The following CCDC43 variants were observed in gnomAD, a reference collection of about 807,000 sequenced individuals.
CCDC43 encodes coiled-coil domain-containing protein 43.
CCDC43 carries 20 observed loss-of-function variants against 33.3 expected under a neutral mutation model. The observed-to-expected ratio is 0.60, with a 90% CI of 0.42 to 0.87. The LOEUF (loss-of-function observed/expected upper bound fraction) is 0.87. Ranked by LOEUF, CCDC43 falls within the 40% of genes least tolerant of loss-of-function variation. The pLI is 0.00. For missense variants in CCDC43, 248 were observed against 269.9 expected (o/e 0.92, Z 0.57); for synonymous variants, 104 against 106.5 (o/e 0.98, Z 0.14).
intron 1 of CCDC43, 108 bp from the exon 2 acceptor site, chr17:44,684,067 G>A: frequency 1.4e-6 from 1 of 718,760 alleles, no homozygotes; most frequent in Non-Finnish European, 2.5e-6. Flanking sequence ...GTGAAATTAT[G>A]GAAGGGTCTG....
Position 44,682,116 on chromosome 17 carries a change from G to C in CCDC43, c.315C>G (p.Thr105=). The part of the protein sequence containing the change: ...KKEDEVQAIA[T]LIEKQAQIVV... ...CGATTTGTGCCTGCTTCTCAATTAGGGTGGCAATGGCCTGTACTTCATCTG... is the reference window on the plus strand; with the variant it reads ...CGATTTGTGCCTGCTTCTCAATTAGCGTGGCAATGGCCTGTACTTCATCTG... The change falls in exon 3 of 5, where the codon ACC becomes ACG. Residue 105 remains threonine (T), a synonymous_variant. Coordinates refer to ENST00000315286, the MANE Select transcript of CCDC43 (RefSeq NM_144609.3). 1 of 1,613,924 alleles carries C rather than the reference G, an allele frequency of 6.2e-7. No individual in the cohort carries two copies. Among genetic ancestry groups the C allele is most frequent in the Non-Finnish European group, 8.5e-7 (1 of 1,179,882 alleles).
chr17:44,685,205 C>T (rs1972216784), intron 1 of CCDC43, among the ~76,000 whole-genome samples: 1 of 152,194 alleles, frequency 6.6e-6, no homozygotes, highest in African/African-American at 2.4e-5. Context: ...CCACCTCCCC[C>T]AATTCTTTTG....
intron 2 of CCDC43, 143 bp from the exon 3 acceptor site, chr17:44,682,281 G>A (rs757187314): frequency 1.3e-5 from 12 of 927,912 alleles, no homozygotes; most frequent in Admixed American, 2.6e-5. Context: ...GACATGGCTC[G>A]GGGGCCATTG....
intron 1 of CCDC43, among the ~76,000 whole-genome samples, chr17:44,684,638 G>A (rs1001399653): frequency 3.8e-4 from 57 of 151,774 alleles, no homozygotes; most frequent in Admixed American, 7.2e-4. Context: ...CAGAGGTTGT[G>A]GTGAGCCGAG....
chr17:44,680,103 G>A (rs1199783072), intron 4 of CCDC43, among the ~76,000 whole-genome samples: 1 of 151,814 alleles, frequency 6.6e-6, no homozygotes, highest in African/African-American at 2.4e-5. Context: ...TCAGCCTCCT[G>A]AGTATCTGGG....
intron 2 of CCDC43, among the ~76,000 whole-genome samples, chr17:44,682,742 G>A (rs1156665207): frequency 6.6e-6 from 1 of 152,078 alleles, no homozygotes; most frequent in African/African-American, 2.4e-5. Flanking sequence ...TGTAGTCCCA[G>A]CTACTCGGGA....
intron 1 of CCDC43, among the ~76,000 whole-genome samples, chr17:44,684,975 G>A (rs892841134): frequency 2.2e-4 from 34 of 151,732 alleles, no homozygotes; most frequent in African/African-American, 7.3e-4. Flanking sequence ...TTTAAAAGAT[G>A]GGGTCTCACT....
At chr17:44,684,559 G>T (rs1972208210) in intron 1 of CCDC43, among the ~76,000 whole-genome samples, 1 of 151,882 alleles carries the variant, frequency 6.6e-6, no homozygotes, top group Admixed American at 6.6e-5. Context: ...TTAGCCGGGT[G>T]TGGTGGCACA....
chr17:44,681,866 G>T (rs1972167867), intron 3 of CCDC43, 137 bp downstream of exon 3: 3 of 946,480 alleles, frequency 3.2e-6, no homozygotes, highest in African/African-American at 3.3e-5. Flanking sequence ...TCCACAAAGG[G>T]CCATAGATTA....
intron 1 of CCDC43, chr17:44,688,197 C>G (rs1598736696): frequency 6.6e-6 from 1 of 152,148 alleles, no homozygotes; most frequent in Non-Finnish European, 1.5e-5. Context: ...GTCACCCAAG[C>G]TGGAGTGCAG....
chr17:44,679,052 G>T lies in CCDC43; in HGVS notation c.488-9C>A. 1 of 1,610,794 alleles carries T rather than the reference G, an allele frequency of 6.2e-7. No homozygotes were observed. The highest frequency in any genetic ancestry group is 1.3e-5 in the African/African-American group (1 of 74,964). On this transcript the variant is annotated splice_polypyrimidine_tract_variant and intron_variant, in intron 4 of 4. Transcript: ENST00000315286. ...GGTGTTTCGGAACAGAACTACAGGT[G>T]AGTTAAGGGATTAGGGTACAGGTCA... is the stretch of plus-strand genomic sequence containing the variant.
intron 2 of CCDC43, 54 bp from the exon 3 acceptor site, chr17:44,682,192 G>A: frequency 6.2e-7 from 1 of 1,606,340 alleles, no homozygotes; most frequent in Non-Finnish European, 8.5e-7. Flanking sequence ...CAAGCTCACT[G>A]AACCACTAGT....
At chr17:44,685,673 G>A (rs1972223936) in intron 1 of CCDC43, among the ~76,000 whole-genome samples, 1 of 152,076 alleles carries the variant, frequency 6.6e-6, no homozygotes, top group African/African-American at 2.4e-5. Context: ...CCACCTTCAC[G>A]TTCTACCTCT....
In CCDC43 at chr17:44,686,026, G is replaced by A. The variant is rs185459923; in HGVS notation, c.205-2067C>T. On this transcript the variant is annotated intron_variant, in intron 1 of 4. Coordinates refer to ENST00000315286, the MANE Select transcript of CCDC43 (RefSeq NM_144609.3). Reference sequence around the variant, plus strand: ...CCTCCTGGGTTCACGCCATTATCCTGCCTCAGCCTCCCAAGCAGCTGGGAC... The same window carrying A: ...CCTCCTGGGTTCACGCCATTATCCTACCTCAGCCTCCCAAGCAGCTGGGAC... Among the ~76,000 whole-genome samples the A allele has an allele frequency of 8.8e-4, 134 of 152,080 alleles. 1 individual carries two copies. The highest frequency in any genetic ancestry group is 3.2e-3 in the African/African-American group (133 of 41,504).
intron 1 of CCDC43, among the ~76,000 whole-genome samples, 166 bp from the exon 2 acceptor site, chr17:44,684,125 T>A (rs1479504499): frequency 6.6e-6 from 1 of 152,178 alleles, no homozygotes; most frequent in East Asian, 1.9e-4. Context: ...GGACACAGAA[T>A]TGATCCTGCT....
At chr17:44,688,142 T>C (rs1307195211) in intron 1 of CCDC43, 1 of 152,164 alleles carries the variant, frequency 6.6e-6, no homozygotes, top group Non-Finnish European at 1.5e-5. Flanking sequence ...TTTATATCTA[T>C]ATATATTTAT....
intron 2 of CCDC43, 137 bp from the exon 3 acceptor site, chr17:44,682,275 T>C (rs1972174536): frequency 1.0e-6 from 1 of 999,848 alleles, no homozygotes; most frequent in Non-Finnish European, 1.5e-6. Flanking sequence ...TCAAAGGACA[T>C]GGCTCGGGGG....
At chr17:44,687,384 C>T (rs892959630) in intron 1 of CCDC43, among the ~76,000 whole-genome samples, 3 of 151,760 alleles carry the variant, frequency 2.0e-5, no homozygotes, top group Non-Finnish European at 2.9e-5. Flanking sequence ...TACAGTGAGC[C>T]GAGATTTTGC....
At chr17:44,682,685 G>A (rs377694026) in intron 2 of CCDC43, among the ~76,000 whole-genome samples, 18 of 152,158 alleles carry the variant, frequency 1.2e-4, no homozygotes, top group African/African-American at 2.6e-4. Flanking sequence ...GTGAAACCCC[G>A]TCTCTACTAA....
Sources: allele counts gnomAD v4.1 joint callset (sites outside exome capture counted in the v4.1 genomes callset), GRCh38; gene constraint gnomAD v4.1.1; transcripts MANE v1.5; gene names NCBI Gene and HGNC (gene_info 2026-07-23, HGNC 2026-07-21).